The following PRTG variants were observed in gnomAD, a reference collection of about 807,000 sequenced individuals.
PRTG encodes immunoglobulin superfamily, DCC subclass, member 5.
A neutral mutation model predicts 122.5 loss-of-function variants in PRTG; 67 were observed. That is an observed-to-expected ratio of 0.55 (90% CI 0.45 to 0.67). The LOEUF is 0.67. PRTG is among the 30% of genes least tolerant of loss of function. PRTG has a pLI of 0.00. For missense variants in PRTG, 1,435 were observed against 1,415.4 expected, an observed-to-expected ratio of 1.01 and a Z score of -0.22; for synonymous variants, 554 against 501.1, an observed-to-expected ratio of 1.11 and a Z score of -1.41.
intron 2 of PRTG, among the ~76,000 whole-genome samples, chr15:55,700,681 C>G (rs969339637): frequency 1.3e-5 from 2 of 151,916 alleles, no homozygotes; most frequent in Non-Finnish European, 2.9e-5. Context: ...CTTGGGAGGC[C>G]GGAGTAGGAG....
chr15:55,671,497 CTTTTT>C (rs541570389), intron 11 of PRTG, among the ~76,000 whole-genome samples: 126 of 152,128 alleles, frequency 8.3e-4, no homozygotes, highest in African/African-American at 2.8e-3. Flanking sequence ...GTATTCTTTT[CTTTTT>C]TCTTTTTTTT....
chr15:55,664,280 T>G (rs2059425893), intron 11 of PRTG, among the ~76,000 whole-genome samples: 1 of 152,034 alleles, frequency 6.6e-6, no homozygotes, highest in Non-Finnish European at 1.5e-5. Flanking sequence ...TAGCTGGGAT[T>G]ATAGGTGTCT....
At chr15:55,630,221 C>A (rs2059220049) in intron 15 of PRTG, among the ~76,000 whole-genome samples, 1 of 152,208 alleles carries the variant, frequency 6.6e-6, no homozygotes, top group South Asian at 2.1e-4. Context: ...CTCCTGCCCT[C>A]GTGATCTGCC....
At chr15:55,721,464 C>A (rs1309549828) in intron 2 of PRTG, among the ~76,000 whole-genome samples, 3 of 152,284 alleles carry the variant, frequency 2.0e-5, no homozygotes, top group African/African-American at 7.2e-5. Flanking sequence ...TGTTGGGGTG[C>A]CATTTCTTTG....
At chr15:55,703,062 T>C (rs1024143646) in intron 2 of PRTG, 2 of 292,762 alleles carry the variant, frequency 6.8e-6, no homozygotes, top group Admixed American at 1.3e-4. Flanking sequence ...AGTTGGTCTG[T>C]TCCTAGGAAT....
At chr15:55,669,578 T>G (rs951412876) in intron 11 of PRTG, among the ~76,000 whole-genome samples, 7 of 152,256 alleles carry the variant, frequency 4.6e-5, no homozygotes, top group African/African-American at 1.7e-4. Context: ...TAAACGTATT[T>G]GACTGCTACA....
chr15:55,628,804 C>T lies in PRTG; in HGVS notation c.2806+18G>A, dbSNP rs777696234. The T allele has an allele frequency of 2.1e-5, 33 of 1,586,840 alleles. No homozygotes were observed. In the Admixed American group the frequency reaches 5.9e-4, roughly 28 times the overall value. ...TTTTTCTTAAGAAAAATCACAGTGA[C>T]TACGGCAGTATACAGACCTTTGGCA... On this transcript the variant is annotated intron_variant, in intron 16 of 19. Coordinates refer to ENST00000389286, the MANE Select transcript of PRTG (RefSeq NM_173814.6).
At chr15:55,740,968 A>G (rs2141899353) in intron 1 of PRTG, among the ~76,000 whole-genome samples, 1 of 152,360 alleles carries the variant, frequency 6.6e-6, no homozygotes, top group Non-Finnish European at 1.5e-5. Flanking sequence ...TAGAGTTTCA[A>G]AATCATCAGG....
intron 2 of PRTG, among the ~76,000 whole-genome samples, chr15:55,712,279 G>T (rs1023428746): frequency 6.6e-6 from 1 of 152,192 alleles, no homozygotes; most frequent in Non-Finnish European, 1.5e-5. Flanking sequence ...AAATGAAATG[G>T]TTGGTCAGAG....
At chr15:55,639,141 T>C (rs1451769421) in intron 13 of PRTG, among the ~76,000 whole-genome samples, 2 of 152,252 alleles carry the variant, frequency 1.3e-5, no homozygotes, top group Non-Finnish European at 2.9e-5. Context: ...CTGGCTGATA[T>C]AAAAAAATAT....
intron 2 of PRTG, chr15:55,738,223 C>T: frequency 3.0e-6 from 1 of 336,386 alleles, no homozygotes; most frequent in Non-Finnish European, 5.3e-6. Flanking sequence ...AAATCATTCA[C>T]ATGTAATTAT....
intron 15 of PRTG, among the ~76,000 whole-genome samples, chr15:55,634,599 G>C (rs2059245908): frequency 6.6e-6 from 1 of 152,002 alleles, no homozygotes; most frequent in African/African-American, 2.4e-5. Context: ...CTAGCACTTT[G>C]GGAGGCTGAG....
At chr15:55,696,145 TC>T (rs2141835019) in intron 2 of PRTG, among the ~76,000 whole-genome samples, 1 of 152,136 alleles carries the variant, frequency 6.6e-6, no homozygotes, top group African/African-American at 2.4e-5. Flanking sequence ...GTGTCTGTGG[TC>T]CTAGCTATTT....
intron 2 of PRTG, among the ~76,000 whole-genome samples, chr15:55,704,693 A>T (rs2030021607): frequency 6.6e-6 from 1 of 152,234 alleles, no homozygotes; most frequent in Non-Finnish European, 1.5e-5. Flanking sequence ...ATTAAAATTT[A>T]TACAATCATA....
At chr15:55,645,759 C>T (rs897559369) in intron 11 of PRTG, among the ~76,000 whole-genome samples, 2 of 152,060 alleles carry the variant, frequency 1.3e-5, no homozygotes, top group Admixed American at 6.6e-5. Context: ...AGTCCCAAGG[C>T]CTGTTTCAGC....
chr15:55,694,956 C>A (rs1208615694), intron 2 of PRTG, among the ~76,000 whole-genome samples: 8 of 152,162 alleles, frequency 5.3e-5, no homozygotes, highest in African/African-American at 1.7e-4. Flanking sequence ...TAAAGCTGTG[C>A]TGTTAAGAGG....
intron 2 of PRTG, among the ~76,000 whole-genome samples, chr15:55,722,615 A>C (rs1325813972): frequency 6.6e-6 from 1 of 152,236 alleles, no homozygotes; most frequent in African/African-American, 2.4e-5. Flanking sequence ...CTCAGTCGTC[A>C]AGATTAGGCT....
chr15:55,678,638 C>T (rs926563119), intron 7 of PRTG, among the ~76,000 whole-genome samples: 94 of 152,288 alleles, frequency 6.2e-4, no homozygotes, highest in African/African-American at 2.0e-3. Context: ...ACATTAATCA[C>T]TTAAAATTAT....
chr15:55,725,312 A>C (rs1335811273), intron 2 of PRTG, among the ~76,000 whole-genome samples: 1 of 152,248 alleles, frequency 6.6e-6, no homozygotes, highest in African/African-American at 2.4e-5. Context: ...AATGAGAAGA[A>C]ATTCAAAACG....
Sources: allele counts gnomAD v4.1 joint callset (sites outside exome capture counted in the v4.1 genomes callset), GRCh38; gene constraint gnomAD v4.1.1; transcripts MANE v1.5; gene names NCBI Gene and HGNC (gene_info 2026-07-23, HGNC 2026-07-21).